IRAK1BP1: variants seen among roughly 807,000 people sequenced by gnomAD.
The protein encoded by IRAK1BP1 is interleukin 1 receptor associated kinase 1 binding protein 1, also known as interleukin-1 receptor-associated kinase 1-binding protein 1.
IRAK1BP1 carries 24 observed loss-of-function variants against 28.0 expected under a neutral mutation model. That is an observed-to-expected ratio of 0.86 (90% CI 0.62 to 1.20). The LOEUF (loss-of-function observed/expected upper bound fraction) is 1.20. Among genes scored for constraint, IRAK1BP1 ranks in the 50% most tolerant of loss-of-function variants. IRAK1BP1 has a pLI of 0.00. For synonymous variants in IRAK1BP1, 131 were observed against 116.3 expected (o/e 1.13, Z -0.81); for missense variants, 336 against 316.7 (o/e 1.06, Z -0.46).
intron 1 of IRAK1BP1, among the ~76,000 whole-genome samples, chr6:78,877,267 C>CT (rs1414076100): frequency 6.6e-6 from 1 of 152,248 alleles, no homozygotes; most frequent in East Asian, 1.9e-4. Flanking sequence ...CTGTTAGAAA[C>CT]TTTGGCTCTG....
chr6:78,955,356 A>G, the IRAK1BP1 span: 10 of 1,076,568 alleles, frequency 9.3e-6, no homozygotes, highest in Non-Finnish European at 1.4e-5. Context: ...TTAACTAGCA[A>G]TTATTTCCTT....
chr6:78,875,837 A>G (rs1016790643), intron 1 of IRAK1BP1, among the ~76,000 whole-genome samples: 1 of 152,224 alleles, frequency 6.6e-6, no homozygotes, highest in Non-Finnish European at 1.5e-5. Flanking sequence ...TGTAACAAAC[A>G]TGCACATGTA....
chr6:78,946,968 AT>A, downstream of IRAK1BP1: 5 of 674,644 alleles, frequency 7.4e-6, no homozygotes, highest in Non-Finnish European at 1.2e-5. Flanking sequence ...CCAGTAAAAA[AT>A]ATTTAGAATT....
At chr6:78,872,123 G>A (rs1212172995) in intron 1 of IRAK1BP1, 5 of 701,550 alleles carry the variant, frequency 7.1e-6, no homozygotes, top group East Asian at 5.4e-5. Context: ...CCTTGGGGTC[G>A]GATAATTCTG....
intron 4 of IRAK1BP1, chr6:78,939,428 G>A (rs1773387004): frequency 6.6e-6 from 1 of 151,698 alleles, no homozygotes; most frequent in Non-Finnish European, 1.5e-5. Context: ...CATAAAAAGT[G>A]ATTTGGCCTA....
At chr6:78,871,218 C>G in intron 1 of IRAK1BP1, 1 of 972,026 alleles carries the variant, frequency 1.0e-6, no homozygotes, top group Non-Finnish European at 1.2e-6. Flanking sequence ...ATTTTCTTCT[C>G]TCTCCAACTG....
intron 2 of IRAK1BP1, among the ~76,000 whole-genome samples, chr6:78,893,818 G>A (rs1337961094): frequency 2.6e-5 from 4 of 151,968 alleles, no homozygotes; most frequent in Admixed American, 6.6e-5. Flanking sequence ...CAGGAGAATC[G>A]CTTGAACTCA....
At position 78,903,100 on chromosome 6, in the gene IRAK1BP1, G is replaced by A; in HGVS notation, c.*4766G>A. On this transcript the variant is annotated 3_prime_UTR_variant, in exon 4 of 4. Transcript: ENST00000369940. ...CATCAAATGAACAAATACTGCCTCTGGACTCTGAATGTAAGTTGGTTCATT... is the reference window on the plus strand; with the variant it reads ...CATCAAATGAACAAATACTGCCTCTAGACTCTGAATGTAAGTTGGTTCATT... 1 of 1,471,584 alleles carries A rather than the reference G, an allele frequency of 6.8e-7. No individual in the cohort carries two copies. Among genetic ancestry groups the A allele is most frequent in the Non-Finnish European group, 9.2e-7 (1 of 1,090,726 alleles). The allele number at this position is 1,471,584 out of a possible 1,614,324, so 91.2% of individuals were successfully genotyped here.
intron 4 of IRAK1BP1, among the ~76,000 whole-genome samples, chr6:78,928,485 T>C (rs964204730): frequency 6.6e-6 from 1 of 152,128 alleles, no homozygotes; most frequent in Non-Finnish European, 1.5e-5. Context: ...ATTTGACTTA[T>C]TCCTTTCCAA....
chr6:78,935,046 G>A lies in IRAK1BP1; in HGVS notation c.*68-10362G>A, dbSNP rs552549830. On this transcript the variant is annotated intron_variant and NMD_transcript_variant, in intron 4 of 4. Coordinates refer to the IRAK1BP1 transcript ENST00000606868. Reference sequence around the variant, plus strand: ...TGCTTTGGTCTTTAATCTTACTTCCGTTAAATACTGGGGAATCCTGGGTCA... The same window carrying A: ...TGCTTTGGTCTTTAATCTTACTTCCATTAAATACTGGGGAATCCTGGGTCA... Among the ~76,000 whole-genome samples the A allele has an allele frequency of 4.6e-5, 7 of 152,206 alleles. No individual in the cohort carries two copies. The East Asian group carries it at 5.8e-4, about 13-fold the overall frequency.
At chr6:78,919,443 G>A (rs185323201) in intron 4 of IRAK1BP1, among the ~76,000 whole-genome samples, 15 of 152,170 alleles carry the variant, frequency 9.9e-5, no homozygotes, top group Admixed American at 8.5e-4. Context: ...GATAGACCAC[G>A]AGGTAGGTTA....
intron 4 of IRAK1BP1, among the ~76,000 whole-genome samples, chr6:78,943,910 G>A (rs562845365): frequency 2.0e-5 from 3 of 149,908 alleles, no homozygotes; most frequent in East Asian, 2.0e-4. Context: ...TGCTTGAACC[G>A]GCAAGGCAGA....
At chr6:78,955,985 T>C in the IRAK1BP1 span, 1 of 194,878 alleles carries the variant, frequency 5.1e-6, no homozygotes, top group Non-Finnish European at 1.0e-5. Context: ...AATACATTTC[T>C]TGTCTTCCAA....
intron 1 of IRAK1BP1, among the ~76,000 whole-genome samples, chr6:78,876,143 C>G (rs1264965972): frequency 6.6e-6 from 1 of 152,002 alleles, no homozygotes; most frequent in East Asian, 1.9e-4. Context: ...GGGGCAGTTT[C>G]CTCCGTGCTG....
intron 4 of IRAK1BP1, chr6:78,940,066 CA>C (rs1773410465): frequency 3.3e-5 from 1 of 30,186 alleles, no homozygotes; most frequent in Non-Finnish European, 7.5e-5. Context: ...TTCATCAGTA[CA>C]TTTTCTCTTG....
chr6:78,920,955 A>T (rs777856911), intron 4 of IRAK1BP1, among the ~76,000 whole-genome samples: 47 of 152,206 alleles, frequency 3.1e-4, no homozygotes, highest in Non-Finnish European at 6.3e-4. Context: ...TGAAGCCAAG[A>T]TAGCCAAATA....
chr6:78,923,223 A>C (rs906504801), intron 4 of IRAK1BP1, among the ~76,000 whole-genome samples: 1 of 151,940 alleles, frequency 6.6e-6, no homozygotes, highest in Non-Finnish European at 1.5e-5. Context: ...AAACAGAAGG[A>C]GGAAGATCTA....
chr6:78,950,976 CA>C (rs988870765), downstream of IRAK1BP1, among the ~76,000 whole-genome samples: 1 of 152,126 alleles, frequency 6.6e-6, no homozygotes, highest in Admixed American at 6.5e-5. Context: ...CTCTTTAGTA[CA>C]TTTTAGTATT....
the IRAK1BP1 span, among the ~76,000 whole-genome samples, chr6:78,974,183 AC>A: frequency 6.6e-6 from 1 of 152,220 alleles, no homozygotes; most frequent in Admixed American, 6.5e-5. Context: ...TATCTCTCAG[AC>A]CACAGAGCAA....
Sources: allele counts gnomAD v4.1 joint callset (sites outside exome capture counted in the v4.1 genomes callset), GRCh38; gene constraint gnomAD v4.1.1; transcripts MANE v1.5; gene names NCBI Gene and HGNC (gene_info 2026-07-23, HGNC 2026-07-21).